MTHFD1L: variants seen among roughly 807,000 people sequenced by gnomAD.
The protein encoded by MTHFD1L is monofunctional C1-tetrahydrofolate synthase, mitochondrial.
A neutral mutation model predicts 119.5 loss-of-function variants in MTHFD1L; 81 were observed. The ratio of observed to expected loss-of-function variants is 0.68; its 90% CI spans 0.57 to 0.82. The LOEUF is 0.82. Ranked by LOEUF, MTHFD1L falls within the 40% of genes least tolerant of loss-of-function variation. The pLI is 0.00. For missense variants in MTHFD1L, 1,125 were observed against 1,253.4 expected, an observed-to-expected ratio of 0.90 and a Z score of 1.55; for synonymous variants, 430 against 475.2, an observed-to-expected ratio of 0.90 and a Z score of 1.24.
intron 8 of MTHFD1L, among the ~76,000 whole-genome samples, chr6:150,906,294 G>A (rs1308302969): frequency 2.0e-5 from 3 of 152,180 alleles, no homozygotes; most frequent in African/African-American, 7.2e-5. Flanking sequence ...ACTGTTGTAG[G>A]ATTGGTCCTG....
At chr6:151,046,414 T>C (rs915323796) in intron 26 of MTHFD1L, among the ~76,000 whole-genome samples, 2 of 148,144 alleles carry the variant, frequency 1.4e-5, no homozygotes, top group African/African-American at 5.0e-5. Flanking sequence ...GATGAGATGT[T>C]GACTCATATA....
chr6:150,990,493 C>T (rs1778915759), intron 20 of MTHFD1L, among the ~76,000 whole-genome samples: 1 of 152,012 alleles, frequency 6.6e-6, no homozygotes, highest in Non-Finnish European at 1.5e-5. Flanking sequence ...GAGTTTCACT[C>T]TTCTTGCCCA....
intron 24 of MTHFD1L, among the ~76,000 whole-genome samples, chr6:151,020,831 T>C (rs1222383869): frequency 6.6e-6 from 1 of 152,224 alleles, no homozygotes; most frequent in Non-Finnish European, 1.5e-5. Flanking sequence ...TATCTCCATG[T>C]CTGCAGGGAT....
chr6:151,089,617 T>C (rs577435633), intron 26 of MTHFD1L, among the ~76,000 whole-genome samples: 1 of 152,298 alleles, frequency 6.6e-6, no homozygotes, highest in South Asian at 2.1e-4. Context: ...AAAAACCTCC[T>C]ATAAATGCCA....
chr6:151,023,741 C>G (rs544497007), intron 24 of MTHFD1L, among the ~76,000 whole-genome samples: 36 of 152,294 alleles, frequency 2.4e-4, no homozygotes, highest in African/African-American at 8.7e-4. Flanking sequence ...ATGATTGTCA[C>G]TATGATGTAA....
chr6:150,945,918 C>T (rs9478864), intron 15 of MTHFD1L, among the ~76,000 whole-genome samples: 19,943 of 152,024 alleles, frequency 0.13, 1,708 homozygotes, highest in Middle Eastern at 0.27. Context: ...TTTGCTTGAG[C>T]CAAGGAGTTC....
At chr6:151,069,780 C>T (rs552493387) in intron 26 of MTHFD1L, among the ~76,000 whole-genome samples, 1 of 152,308 alleles carries the variant, frequency 6.6e-6, no homozygotes, top group African/African-American at 2.4e-5. Context: ...CTCCATGTGA[C>T]AGAGGGCCAG....
intron 13 of MTHFD1L, among the ~76,000 whole-genome samples, chr6:150,942,347 T>C (rs909949411): frequency 6.6e-6 from 1 of 152,244 alleles, no homozygotes; most frequent in African/African-American, 2.4e-5. Flanking sequence ...AAAATAGTTA[T>C]GATACCAAAT....
In MTHFD1L at chr6:151,039,896, CAGAGCAAGACTTCATCTCTAA is replaced by C; in HGVS notation, c.2847+2781_2847+2801del. ...CGCCATTGCACTTCAGCCTGGGTGA[CAGAGCAAGACTTCATCTCTAA>C]ATACATACATACATACATACATACA... On this transcript the variant is annotated intron_variant, in intron 26 of 27. Transcript: ENST00000367321. The surrounding 1 kb of genome is among the most constrained non-coding windows in gnomAD (Gnocchi z 4.4). Among the ~76,000 whole-genome samples the C allele has an allele frequency of 6.6e-6, 1 of 151,618 alleles. No individual in the cohort carries two copies. The highest frequency in any genetic ancestry group is 6.6e-5 in the Admixed American group (1 of 15,214).
intron 17 of MTHFD1L, among the ~76,000 whole-genome samples, chr6:150,959,621 C>T (rs1033828444): frequency 6.6e-6 from 1 of 152,186 alleles, no homozygotes; most frequent in Non-Finnish European, 1.5e-5. Context: ...TGAGTCTGTG[C>T]CACCAGTTGA....
intron 26 of MTHFD1L, among the ~76,000 whole-genome samples, chr6:151,064,406 C>T (rs1198198442): frequency 6.6e-6 from 1 of 151,766 alleles, no homozygotes; most frequent in Admixed American, 6.6e-5. Context: ...TCCGCCCCCC[C>T]GGATTCGAGT....
At chr6:151,017,885 A>C (rs1285674875) in intron 24 of MTHFD1L, among the ~76,000 whole-genome samples, 1 of 125,136 alleles carries the variant, frequency 8.0e-6, no homozygotes, top group South Asian at 2.5e-4. Flanking sequence ...CCCAGGCTGG[A>C]GTGCAGTGGC....
At chr6:151,035,323 T>C (rs567835487) in intron 25 of MTHFD1L, among the ~76,000 whole-genome samples, 3 of 152,192 alleles carry the variant, frequency 2.0e-5, no homozygotes, top group African/African-American at 7.2e-5. Flanking sequence ...GTCGGATAGA[T>C]AGCAGTCAGA....
chr6:151,006,606 G>A (rs1346787140), intron 20 of MTHFD1L, among the ~76,000 whole-genome samples: 2 of 152,028 alleles, frequency 1.3e-5, no homozygotes, highest in Non-Finnish European at 2.9e-5. Flanking sequence ...ATTTTTCAAG[G>A]GCATTCAATG....
At chr6:151,081,004 A>T (rs1793091700) in intron 26 of MTHFD1L, among the ~76,000 whole-genome samples, 1 of 152,068 alleles carries the variant, frequency 6.6e-6, no homozygotes, top group African/African-American at 2.4e-5. Flanking sequence ...CCTGTCTCCA[A>T]ATGTAGTCGT....
At chr6:150,893,365 C>T (rs146829894) in intron 7 of MTHFD1L, among the ~76,000 whole-genome samples, 329 of 152,194 alleles carry the variant, frequency 2.2e-3, no homozygotes, top group Middle Eastern at 6.8e-3. Context: ...GTGCCTGGCC[C>T]ACATGGGGAT....
intron 17 of MTHFD1L, among the ~76,000 whole-genome samples, chr6:150,957,196 C>T (rs1044384004): frequency 6.6e-6 from 1 of 152,016 alleles, no homozygotes; most frequent in South Asian, 2.1e-4. Flanking sequence ...TACATATAGT[C>T]GTAAGTGTTC....
chr6:151,068,532 C>A (rs1433558399), intron 26 of MTHFD1L, among the ~76,000 whole-genome samples: 1 of 152,162 alleles, frequency 6.6e-6, no homozygotes, highest in Non-Finnish European at 1.5e-5. Flanking sequence ...TGCTTTCCAG[C>A]CCACTCTCTG....
At position 150,934,873 on chromosome 6, in the gene MTHFD1L, C is replaced by T. The variant is rs17080535; in HGVS notation, c.1257-1931C>T. The T allele has an allele frequency of 4.9e-3, 6,962 of 1,427,094 alleles. 264 individuals carry two copies. The African/African-American group carries it at 0.085, about 17-fold the overall frequency. 88.4% of individuals were successfully genotyped at this position (1,427,094 alleles called of 1,614,324 possible). A position where few individuals can be genotyped will look rare whatever the true frequency, so the allele number is the denominator to read the frequency against. On this transcript the variant is annotated intron_variant, in intron 11 of 27. Coordinates refer to ENST00000367321, the MANE Select transcript of MTHFD1L (RefSeq NM_015440.5). ...TCTCATTTGGACCCAAACTCCAGAT[C>T]GGGAGCAGTCTTATAGCTGGATCAG...
Sources: gnomAD v4.1 joint callset for allele counts (sites outside exome capture counted in the v4.1 genomes callset) on GRCh38, gnomAD v4.1.1 for gene constraint, Gnocchi (gnomAD v3.1) non-coding constraint, MANE v1.5 for transcripts, NCBI Gene and HGNC (gene_info 2026-07-23, HGNC 2026-07-21) for gene names.